Variants in RIMBP2 observed in about 807,000 individuals in gnomAD.
RIMBP2 encodes the protein RIMS-binding protein 2.
A neutral mutation model predicts 118.6 loss-of-function variants in RIMBP2; 48 were observed. The observed-to-expected ratio is 0.40, with a 90% CI of 0.32 to 0.51. RIMBP2 has a LOEUF of 0.51. Among genes scored for constraint, RIMBP2 ranks in the 20% least tolerant of loss-of-function variants. RIMBP2 has a pLI of 0.41. For missense variants in RIMBP2, 1,551 were observed against 1,768.3 expected (o/e 0.88, Z 2.20); for synonymous variants, 762 against 742.9 (o/e 1.03, Z -0.42).
intron 4 of RIMBP2, among the ~76,000 whole-genome samples, chr12:130,493,283 CCTT>C (rs1233698896): frequency 1.3e-5 from 2 of 152,082 alleles, no homozygotes; most frequent in African/African-American, 2.4e-5. Flanking sequence ...CCCTTTCCTG[CCTT>C]CTTTTTGTTT....
intron 1 of RIMBP2, among the ~76,000 whole-genome samples, chr12:130,668,779 C>T (rs1279391066): frequency 6.6e-6 from 1 of 152,226 alleles, no homozygotes; most frequent in African/African-American, 2.4e-5. Flanking sequence ...ACAGCACAAG[C>T]TGTGCCATGC....
chr12:130,606,679 C>A (rs893314815), intron 2 of RIMBP2, among the ~76,000 whole-genome samples: 1 of 152,176 alleles, frequency 6.6e-6, no homozygotes, highest in South Asian at 2.1e-4. Flanking sequence ...CGGTAGAGAT[C>A]ATGAACTGGA....
intron 4 of RIMBP2, among the ~76,000 whole-genome samples, chr12:130,500,843 G>A (rs548574732): frequency 2.6e-4 from 39 of 152,040 alleles, no homozygotes; most frequent in South Asian, 1.9e-3. Context: ...AACAAAGGCC[G>A]TGGTGATGGC....
Position 130,683,918 on chromosome 12 carries a change from A to C in RIMBP2, c.-352+32304T>G, listed in dbSNP as rs1220908656. Among the ~76,000 whole-genome samples, 1 of 152,172 alleles carries C rather than the reference A, an allele frequency of 6.6e-6. No homozygotes were observed. Among genetic ancestry groups the C allele is most frequent in the Non-Finnish European group, 1.5e-5 (1 of 68,026 alleles). On this transcript the variant is annotated intron_variant, in intron 1 of 22. Transcript: ENST00000690449. The surrounding 1 kb of genome is among the most constrained non-coding windows in gnomAD (Gnocchi z 4.4). ...TCTTTATTCCTTTACTTTCCTAATAAATTTGCTTTCACCTTACAGACTCAC... is the reference window on the plus strand; with the variant it reads ...TCTTTATTCCTTTACTTTCCTAATACATTTGCTTTCACCTTACAGACTCAC...
chr12:130,604,291 T>TAA (rs71088765), intron 2 of RIMBP2, among the ~76,000 whole-genome samples: 9 of 136,184 alleles, frequency 6.6e-5, no homozygotes, highest in African/African-American at 2.5e-4. Context: ...TTTTAAAAAG[T>TAA]AAAAAAAAAA....
At chr12:130,494,146 C>T (rs1433458080) in intron 4 of RIMBP2, among the ~76,000 whole-genome samples, 5 of 152,196 alleles carry the variant, frequency 3.3e-5, no homozygotes, top group South Asian at 2.1e-4. Flanking sequence ...TGGGACAGAG[C>T]GCTCATTCTG....
At chr12:130,496,149 T>C (rs78534979) in intron 4 of RIMBP2, among the ~76,000 whole-genome samples, 3,710 of 152,282 alleles carry the variant, frequency 0.024, 89 homozygotes, top group East Asian at 0.055. Context: ...GTAATTCCCA[T>C]GTCTTGTGGG....
intron 6 of RIMBP2, chr12:130,465,591 T>G (rs2080390189): frequency 6.6e-6 from 1 of 152,266 alleles, no homozygotes; most frequent in Admixed American, 6.5e-5. Context: ...CTGTGTGTCC[T>G]CGGGTAAGTG....
intron 10 of RIMBP2, among the ~76,000 whole-genome samples, chr12:130,443,260 A>AAAGTCAAAGTAGCT (rs1363278838): frequency 6.6e-6 from 1 of 152,100 alleles, no homozygotes; most frequent in Non-Finnish European, 1.5e-5. Flanking sequence ...AAAAAAAAAA[A>AAAGTCAAAGTAGCT]AAGTCAAAGT....
At chr12:130,642,736 GCAA>G (rs1303860220) in intron 1 of RIMBP2, among the ~76,000 whole-genome samples, 1 of 152,218 alleles carries the variant, frequency 6.6e-6, no homozygotes, top group Admixed American at 6.5e-5. Flanking sequence ...AATCCTGATA[GCAA>G]CAACCTTATA....
chr12:130,516,469 G>A (rs1049958682), intron 3 of RIMBP2, among the ~76,000 whole-genome samples: 17 of 152,174 alleles, frequency 1.1e-4, no homozygotes, highest in Admixed American at 8.5e-4. Flanking sequence ...GTGAAGACCC[G>A]TGATAGACTA....
intron 7 of RIMBP2, among the ~76,000 whole-genome samples, chr12:130,454,640 C>T (rs548457456): frequency 1.3e-5 from 2 of 152,396 alleles, no homozygotes; most frequent in East Asian, 1.9e-4. Context: ...TGGTGCAAAC[C>T]TTCTTCTCTG....
In RIMBP2 at chr12:130,670,338, G is replaced by A. The variant is rs1001741877; in HGVS notation, c.-351-41882C>T. On this transcript the variant is annotated intron_variant, in intron 1 of 22. Transcript: ENST00000690449. The surrounding 1 kb of genome is among the most constrained non-coding windows in gnomAD (Gnocchi z 4.9). ...CTGATGGACGTTCTAGGAAGGCATG[G>A]AGAAGCGGATCTTCCCGGCAGCCAC... Among the ~76,000 whole-genome samples, 3 of 152,306 alleles carry A rather than the reference G, an allele frequency of 2.0e-5. No homozygotes were observed. Among genetic ancestry groups the A allele is most frequent in the Non-Finnish European group, 4.4e-5 (3 of 68,026 alleles).
At position 130,622,371 on chromosome 12, in the gene RIMBP2, A is replaced by G; in HGVS notation, c.-217+5951T>C. Reference sequence around the variant, plus strand: ...GCTTGTGTTTTACATACATAATTATATTGAAAAAGGAAACTACATATAACA... The same window carrying G: ...GCTTGTGTTTTACATACATAATTATGTTGAAAAAGGAAACTACATATAACA... On this transcript the variant is annotated intron_variant, in intron 2 of 22. Coordinates refer to ENST00000690449, the MANE Select transcript of RIMBP2 (RefSeq NM_001393629.1). This position sits in a 1 kb window ranked among gnomAD's most constrained non-coding sequence, Gnocchi z 8.5. Among the ~76,000 whole-genome samples the G allele has an allele frequency of 6.6e-6, 1 of 152,242 alleles. No homozygotes were observed.
intron 4 of RIMBP2, among the ~76,000 whole-genome samples, chr12:130,483,685 A>G (rs1200888038): frequency 2.9e-4 from 31 of 108,012 alleles, no homozygotes; most frequent in African/African-American, 7.1e-4. Context: ...ACCTAGACAC[A>G]GTGCCCGGAG....
At chr12:130,500,497 T>A (rs550726516) in intron 4 of RIMBP2, among the ~76,000 whole-genome samples, 3 of 152,240 alleles carry the variant, frequency 2.0e-5, no homozygotes, top group East Asian at 3.9e-4. Flanking sequence ...AAATAAGCCA[T>A]GTGTTGCTGT....
intron 3 of RIMBP2, among the ~76,000 whole-genome samples, chr12:130,510,054 C>T (rs1490827551): frequency 2.0e-5 from 3 of 152,188 alleles, no homozygotes; most frequent in Admixed American, 2.0e-4. Flanking sequence ...CAGGAATTGC[C>T]TTCTAAGGGT....
In RIMBP2 at chr12:130,576,138, G is replaced by A. The variant is rs921328983; in HGVS notation, c.-217+52184C>T. 6.6e-6 allele frequency among the ~76,000 whole-genome samples: 1 copy of A among 152,078 alleles called. No individual in the cohort carries two copies. On this transcript the variant is annotated intron_variant, in intron 2 of 22. Transcript: ENST00000690449. This position sits in a 1 kb window ranked among gnomAD's most constrained non-coding sequence, Gnocchi z 4.2. ...AAAGGGGCTGCGGACAGGTGAGGGG[G>A]AGGAGGGGGCTGCAGATCGTACCTT...
At chr12:130,589,953 G>A (rs1257728742) in intron 2 of RIMBP2, among the ~76,000 whole-genome samples, 4 of 152,112 alleles carry the variant, frequency 2.6e-5, no homozygotes, top group Admixed American at 6.6e-5. Flanking sequence ...GCACTGGCAC[G>A]GCCCCCTCGG....
Sources: allele counts gnomAD v4.1 joint callset (sites outside exome capture counted in the v4.1 genomes callset), GRCh38; gene constraint gnomAD v4.1.1; non-coding constraint Gnocchi (gnomAD v3.1); transcripts MANE v1.5; gene names NCBI Gene and HGNC (gene_info 2026-07-23, HGNC 2026-07-21).